The following TXNDC8 variants were observed in gnomAD, a reference collection of about 807,000 sequenced individuals.
TXNDC8 encodes thioredoxin domain-containing protein 8.
TXNDC8 carries 15 observed loss-of-function variants against 12.9 expected under a neutral mutation model. The ratio of observed to expected loss-of-function variants is 1.16; its 90% CI spans 0.78 to 1.79. TXNDC8 has a LOEUF of 1.79. Ranked by LOEUF, TXNDC8 falls within the 40% of genes most tolerant of loss-of-function variation. The pLI, the probability that TXNDC8 is intolerant of heterozygous loss-of-function variation, is 0.00. For synonymous variants in TXNDC8, 40 were observed against 35.4 expected, an observed-to-expected ratio of 1.13 and a Z score of -0.46; for missense variants, 128 against 113.2, an observed-to-expected ratio of 1.13 and a Z score of -0.59.
chr9:110,329,342 A>G, intron 2 of TXNDC8, 51 bp from the exon 3 acceptor site: 1 of 1,419,920 alleles, frequency 7.0e-7, no homozygotes, highest in South Asian at 1.2e-5. Flanking sequence ...TAATATTAAA[A>G]TACACACTGG....
intron 2 of TXNDC8, among the ~76,000 whole-genome samples, chr9:110,332,120 A>G (rs960784951): frequency 2.6e-5 from 4 of 152,254 alleles, no homozygotes; most frequent in African/African-American, 9.6e-5. Flanking sequence ...ACTGAACACT[A>G]GATATTCTGT....
chr9:110,315,113 T>C (rs1159287318), intron 3 of TXNDC8, among the ~76,000 whole-genome samples: 1 of 152,114 alleles, frequency 6.6e-6, no homozygotes, highest in Non-Finnish European at 1.5e-5. Context: ...GGTTTTTTTT[T>C]GTTTTGTTTT....
Position 110,326,191 on chromosome 9 carries a change from A to T in TXNDC8, c.179T>A (p.Phe60Tyr). Reference sequence around the variant, plus strand: ...GAAACATACCTTCTGGCTTTTCTTGAACATCTGAAATGTGGGTATTGTTTT... The same window carrying T: ...GAAACATACCTTCTGGCTTTTCTTGTACATCTGAAATGTGGGTATTGTTTT... Residue 60 changes from phenylalanine (F) to tyrosine (Y), a missense_variant, in exon 3 of 5, where the codon TTC becomes TAC. Physicochemically the swap from Phe to Tyr is conservative, Grantham distance 22 (BLOSUM62 3). Transcript: ENST00000423740. 6.2e-7 allele frequency: 1 copy of T among 1,614,058 alleles called. No homozygotes were observed. The highest frequency in any genetic ancestry group is 1.7e-5 in the Admixed American group (1 of 60,020).
rs796080969 is a variant in TXNDC8 at position 110,305,806 on chromosome 9, TCTTTCCTTTC to T, written c.196-1284_196-1275del. 2.8e-3 allele frequency among the ~76,000 whole-genome samples: 233 copies of T among 81,846 alleles called. 2 individuals are homozygous for T. The highest frequency in any genetic ancestry group is 0.019 in the African/African-American group (216 of 11,198). The allele number at this position is 81,846 out of a possible 152,430, so 53.7% of individuals were successfully genotyped here. ...TTCTTTTCTTTCTTTTCTTTTCTTT[TCTTTCCTTTC>T]CTTTCCTTTCCTTTCTTTTCCTTTC... On this transcript the variant is annotated intron_variant, in intron 3 of 4. Transcript: ENST00000423740.
intron 3 of TXNDC8, chr9:110,323,690 A>T (rs1564103163): frequency 1.6e-6 from 1 of 641,874 alleles, no homozygotes; most frequent in Non-Finnish European, 2.4e-6. Context: ...ATCTATGGGG[A>T]TAGTGTAGGC....
At chr9:110,329,233 G>A (rs201637899) in intron 2 of TXNDC8, 45 of 1,611,646 alleles carry the variant, frequency 2.8e-5, no homozygotes, top group Admixed American at 1.7e-4. Flanking sequence ...GATTCTTACC[G>A]GAGAATTGTT....
At chr9:110,313,388 C>T (rs1199484344) in intron 3 of TXNDC8, among the ~76,000 whole-genome samples, 1 of 152,106 alleles carries the variant, frequency 6.6e-6, no homozygotes, top group Non-Finnish European at 1.5e-5. Flanking sequence ...TTTCTGAAGT[C>T]CATGTGTAGA....
intron 1 of TXNDC8, among the ~76,000 whole-genome samples, chr9:110,337,169 C>T (rs1191502410): frequency 2.0e-5 from 3 of 152,202 alleles, no homozygotes; most frequent in Non-Finnish European, 4.4e-5. Context: ...CCCCTCCCCT[C>T]CTCCAGCTCT....
At chr9:110,305,566 CTTTCTTTCTTTCTTT>C (rs1257711502) in intron 3 of TXNDC8, among the ~76,000 whole-genome samples, 1 of 133,650 alleles carries the variant, frequency 7.5e-6, no homozygotes, top group East Asian at 2.2e-4. Context: ...TTCTTTCTTT[CTTTCTTTCTTTCTTT>C]CTTTCTTTCT....
At chr9:110,313,621 T>C (rs983380658) in intron 3 of TXNDC8, among the ~76,000 whole-genome samples, 1 of 152,064 alleles carries the variant, frequency 6.6e-6, no homozygotes, top group Admixed American at 6.6e-5. Context: ...GAATCACTTG[T>C]ACCCAGGAGG....
chr9:110,311,791 C>CTATATACTA (rs1048509343), intron 3 of TXNDC8, among the ~76,000 whole-genome samples: 4 of 139,802 alleles, frequency 2.9e-5, no homozygotes, highest in Non-Finnish European at 6.1e-5. Flanking sequence ...TATGGATATA[C>CTATATACTA]TATATACTAT....
rs547813190 is a variant in TXNDC8 at position 110,336,480 on chromosome 9, G to T, written c.24+1293C>A. 9.2e-5 allele frequency among the ~76,000 whole-genome samples: 14 copies of T among 152,192 alleles called. No individual in the cohort carries two copies. The East Asian group carries it at 2.7e-3, about 29-fold the overall frequency. ...TTCACTTTCCAGTAGTTGTTGTTTG[G>T]GTGTGAGCTGGCCTAATTGGACCCA... On this transcript the variant is annotated intron_variant, in intron 1 of 4. Coordinates refer to ENST00000423740, the MANE Select transcript of TXNDC8 (RefSeq NM_001286946.2).
At chr9:110,310,074 C>T (rs1275395712) in intron 3 of TXNDC8, among the ~76,000 whole-genome samples, 1 of 152,168 alleles carries the variant, frequency 6.6e-6, no homozygotes, top group Non-Finnish European at 1.5e-5. Flanking sequence ...TATGGCACCT[C>T]TACTTGCCAG....
intron 3 of TXNDC8, among the ~76,000 whole-genome samples, chr9:110,313,363 A>G (rs1169573629): frequency 3.9e-5 from 6 of 152,228 alleles, no homozygotes; most frequent in Non-Finnish European, 7.3e-5. Context: ...CAATCTATTT[A>G]CATATATAAG....
intron 3 of TXNDC8, among the ~76,000 whole-genome samples, chr9:110,325,043 C>G (rs566574634): frequency 6.6e-6 from 1 of 152,102 alleles, no homozygotes; most frequent in African/African-American, 2.4e-5. Context: ...ACCCAGGAGG[C>G]GGAGGTTGCA....
At position 110,326,224 on chromosome 9, in the gene TXNDC8, C is replaced by A. The variant is rs149343263; in HGVS notation, c.146G>T (p.Cys49Phe). Residue 49 changes from cysteine to phenylalanine, a missense_variant, in exon 3 of 5, where the codon TGT becomes TTT. Transcript: ENST00000423740. The stretch of plus-strand genomic sequence containing the variant: ...AAATGTGGGTATTGTTTTGATGTGA[C>A]AAGTTTCAGCCAGCTCCTGGGAAAG... 1.2e-6 allele frequency: 2 copies of A among 1,613,980 alleles called. No individual in the cohort carries two copies. Among genetic ancestry groups the A allele is most frequent in the African/African-American group, 1.3e-5 (1 of 75,002 alleles).
intron 2 of TXNDC8, among the ~76,000 whole-genome samples, chr9:110,331,351 G>A (rs1839534731): frequency 6.6e-6 from 1 of 152,078 alleles, no homozygotes; most frequent in Non-Finnish European, 1.5e-5. Context: ...TCTGTTGGTG[G>A]TTCTTTAACT....
intron 3 of TXNDC8, among the ~76,000 whole-genome samples, chr9:110,309,982 A>T (rs1051357721): frequency 3.5e-5 from 5 of 143,230 alleles, no homozygotes; most frequent in Non-Finnish European, 7.9e-5. Flanking sequence ...TTTTATTAAG[A>T]AAAAGAAAGT....
intron 3 of TXNDC8, among the ~76,000 whole-genome samples, 172 bp from the exon 5 acceptor site, chr9:110,304,704 G>A (rs1447028793): frequency 6.6e-6 from 1 of 152,198 alleles, no homozygotes; most frequent in South Asian, 2.1e-4. Context: ...TCTTTGGCAT[G>A]AAGGGAGGTT....
Sources: allele counts gnomAD v4.1 joint callset (sites outside exome capture counted in the v4.1 genomes callset), GRCh38; gene constraint gnomAD v4.1.1; transcripts MANE v1.5; gene names NCBI Gene and HGNC (gene_info 2026-07-23, HGNC 2026-07-21).